Variants in MPPED2 observed in about 807,000 individuals in gnomAD.
The protein encoded by MPPED2 is metallophosphoesterase MPPED2.
Under a neutral mutation model 33.0 loss-of-function variants are expected in MPPED2, and 5 were observed. That is an observed-to-expected ratio of 0.15 (90% CI 0.08 to 0.32). The LOEUF (loss-of-function observed/expected upper bound fraction) is 0.32. MPPED2 is among the 10% of genes least tolerant of loss of function. The pLI, the probability that MPPED2 is intolerant of heterozygous loss-of-function variation, is 1.00. For missense variants in MPPED2, 275 were observed against 372.1 expected (o/e 0.74, Z 2.15); for synonymous variants, 136 against 141.9 (o/e 0.96, Z 0.29).
chr11:30,572,800 A>G (rs901896962), intron 2 of MPPED2, among the ~76,000 whole-genome samples: 1 of 152,092 alleles, frequency 6.6e-6, no homozygotes, highest in East Asian at 1.9e-4. Flanking sequence ...CCATATCCCA[A>G]TGATGTCTCT....
At chr11:30,509,481 A>C (rs1169077246) in intron 3 of MPPED2, among the ~76,000 whole-genome samples, 1 of 152,110 alleles carries the variant, frequency 6.6e-6, no homozygotes, top group Non-Finnish European at 1.5e-5. Flanking sequence ...TCTTCATTGT[A>C]TCCCTTCATC....
intron 4 of MPPED2, among the ~76,000 whole-genome samples, chr11:30,459,409 C>CT (rs1950428634): frequency 6.6e-6 from 1 of 151,938 alleles, no homozygotes; most frequent in South Asian, 2.1e-4. Context: ...TATGACAACT[C>CT]TAATTTTATA....
rs1321548940 is a variant in MPPED2, at chr11:30,527,365, TG to T, written c.310+8628del. Among the ~76,000 whole-genome samples, 6 of 141,150 alleles carry T rather than the reference TG, an allele frequency of 4.3e-5. No homozygotes were observed. The Admixed American group carries it at 4.3e-4, about 10-fold the overall frequency. The allele number at this position is 141,150 out of a possible 152,430, so 92.6% of individuals were successfully genotyped here. On this transcript the variant is annotated intron_variant, in intron 3 of 6. Coordinates refer to ENST00000358117, the MANE Select transcript of MPPED2 (RefSeq NM_001584.3). Reference sequence around the variant, plus strand: ...CCTGGAAAGTATTATGTGAAAGAGTTGTTTTTTTTTTTTTTAATTAAAAACT... The same window carrying T: ...CCTGGAAAGTATTATGTGAAAGAGTTTTTTTTTTTTTTTTAATTAAAAACT...
Position 30,583,134 on chromosome 11 carries a change from C to CTTTTTTTTTTTTTTT in MPPED2, c.-121-2655_-121-2641dup, listed in dbSNP as rs199611856. Among the ~76,000 whole-genome samples the CTTTTTTTTTTTTTTT allele has an allele frequency of 1.1e-3, 102 of 96,662 alleles. 12 individuals carry two copies. Among genetic ancestry groups the CTTTTTTTTTTTTTTT allele is most frequent in the African/African-American group, 4.0e-3 (82 of 20,680 alleles). The allele number at this position is 96,662 out of a possible 152,430, so 63.4% of individuals were successfully genotyped here. ...CACAAACACCTGGAAAAGACTTTTTCTTTTTTTTTTTTTTTTTTTTTTTTT... is the reference window on the plus strand; with the variant it reads ...CACAAACACCTGGAAAAGACTTTTTCTTTTTTTTTTTTTTTTTTTTTTTTTTTTTTTTTTTTTTTT... On this transcript the variant is annotated intron_variant, in intron 1 of 6. Transcript: ENST00000358117.
At chr11:30,417,452 G>A in intron 5 of MPPED2, 66 bp downstream of exon 5, 1 of 800,588 alleles carries the variant, frequency 1.2e-6, no homozygotes, top group South Asian at 1.6e-5. Context: ...TGTCCCTGAA[G>A]CATTATTCAT....
At chr11:30,534,558 A>T (rs1200580113) in intron 3 of MPPED2, among the ~76,000 whole-genome samples, 1 of 152,220 alleles carries the variant, frequency 6.6e-6, no homozygotes, top group Non-Finnish European at 1.5e-5. Flanking sequence ...AGCACAAAAT[A>T]TAAATGCTCC....
chr11:30,452,127 T>A, intron 4 of MPPED2: 3 of 983,206 alleles, frequency 3.1e-6, no homozygotes, highest in Non-Finnish European at 3.6e-6. Flanking sequence ...CTTCTCTACT[T>A]AAAAATCTTC....
rs1000036617 is a variant in MPPED2 at position 30,402,018 on chromosome 11, C to T, written c.766+12210G>A. 3.3e-5 allele frequency among the ~76,000 whole-genome samples: 5 copies of T among 152,042 alleles called. 1 individual carries two copies. Among genetic ancestry groups the T allele is most frequent in the African/African-American group, 4.8e-5 (2 of 41,402 alleles). On this transcript the variant is annotated intron_variant, in intron 6 of 6. Transcript: ENST00000448418. ...GGCCTACATAAGATTTTTAGAAGGG[C>T]TAACGTATACCTCCTTTCAGAATTG...
chr11:30,542,679 T>C (rs1955194015), intron 2 of MPPED2, among the ~76,000 whole-genome samples: 1 of 151,982 alleles, frequency 6.6e-6, no homozygotes, highest in Non-Finnish European at 1.5e-5. Context: ...TGTTCAATTT[T>C]TGTTTAAGGT....
chr11:30,547,985 G>C (rs1190837231), intron 2 of MPPED2, among the ~76,000 whole-genome samples: 2 of 152,120 alleles, frequency 1.3e-5, no homozygotes, highest in African/African-American at 4.8e-5. Context: ...ATACTGGGGA[G>C]GGAGAATGGA....
intron 2 of MPPED2, among the ~76,000 whole-genome samples, chr11:30,541,154 T>G (rs1955088519): frequency 6.6e-6 from 1 of 152,246 alleles, no homozygotes; most frequent in South Asian, 2.1e-4. Flanking sequence ...CCAAGTTTTG[T>G]GCCAAGCCTC....
chr11:30,484,062 T>C (rs988536375), intron 4 of MPPED2, among the ~76,000 whole-genome samples: 2 of 152,228 alleles, frequency 1.3e-5, no homozygotes, highest in Non-Finnish European at 2.9e-5. Context: ...TTTACAAATA[T>C]AGCATTGGTT....
chr11:30,492,079 T>C (rs995837915), intron 4 of MPPED2, among the ~76,000 whole-genome samples: 1 of 152,232 alleles, frequency 6.6e-6, no homozygotes, highest in Non-Finnish European at 1.5e-5. Flanking sequence ...CTTTGCTACC[T>C]TGCCAGTATT....
intron 4 of MPPED2, among the ~76,000 whole-genome samples, chr11:30,418,161 C>G (rs1031479353): frequency 6.6e-6 from 1 of 152,056 alleles, no homozygotes; most frequent in Admixed American, 6.5e-5. Context: ...GTTTGAATAC[C>G]CTGGAGTGAG....
At chr11:30,573,871 A>C (rs1254756211) in intron 2 of MPPED2, among the ~76,000 whole-genome samples, 2 of 152,194 alleles carry the variant, frequency 1.3e-5, no homozygotes, top group African/African-American at 4.8e-5. Flanking sequence ...AAAAAATAAA[A>C]ATAAAAAAGT....
chr11:30,573,557 G>A (rs1357876296), intron 2 of MPPED2, among the ~76,000 whole-genome samples: 1 of 152,180 alleles, frequency 6.6e-6, no homozygotes, highest in Non-Finnish European at 1.5e-5. Flanking sequence ...TACTGCTCCT[G>A]AAGACCTTCC....
intron 4 of MPPED2, among the ~76,000 whole-genome samples, chr11:30,447,492 C>T (rs1949862200): frequency 6.6e-6 from 1 of 152,070 alleles, no homozygotes; most frequent in Non-Finnish European, 1.5e-5. Flanking sequence ...TTTGGTGTTG[C>T]TGTTTATTAG....
chr11:30,478,365 G>A (rs973835850), intron 4 of MPPED2, among the ~76,000 whole-genome samples: 1 of 151,858 alleles, frequency 6.6e-6, no homozygotes, highest in Non-Finnish European at 1.5e-5. Context: ...ATAAGCAAAA[G>A]AATGAAAAAA....
At chr11:30,456,553 T>C (rs184482044) in intron 4 of MPPED2, among the ~76,000 whole-genome samples, 29 of 151,948 alleles carry the variant, frequency 1.9e-4, no homozygotes, top group Admixed American at 1.9e-3. Context: ...TGTGTGTGCG[T>C]GTGTGTGTGT....
Sources: allele counts gnomAD v4.1 joint callset (sites outside exome capture counted in the v4.1 genomes callset), GRCh38; gene constraint gnomAD v4.1.1; transcripts MANE v1.5; gene names NCBI Gene and HGNC (gene_info 2026-07-23, HGNC 2026-07-21).